CD163L1: variants seen among roughly 807,000 people sequenced by gnomAD.
CD163L1 encodes scavenger receptor cysteine-rich type 1 protein M160.
A neutral mutation model predicts 165.4 loss-of-function variants in CD163L1; 124 were observed. The ratio of observed to expected loss-of-function variants is 0.75; its 90% CI spans 0.65 to 0.87. The LOEUF is 0.87. Among genes scored for constraint, CD163L1 ranks in the 40% least tolerant of loss-of-function variants. The pLI is 0.00. For missense variants in CD163L1, 1,525 were observed against 1,799.9 expected (o/e 0.85, Z 2.76); for synonymous variants, 585 against 662.2 (o/e 0.88, Z 1.79).
chr12:7,330,511 A>C, the CD163L1 span, among the ~76,000 whole-genome samples: 9,271 of 152,192 alleles, frequency 0.061, 378 homozygotes, highest in East Asian at 0.16. Flanking sequence ...CCTCATGGTA[A>C]GTGAGTGTTA....
chr12:7,396,248 T>A lies in CD163L1; in HGVS notation c.1897A>T (p.Met633Leu), dbSNP rs752603434. ...QLDCPSSIIG[M>L]GLGNASTGYG... ...CCTGTAGAAGCGTTTCCCAGACCCA[T>A]GCCAATGATAGAAGATGGGCAGTCC... The change falls in exon 8 of 20, where the codon ATG becomes TTG. Residue 633 changes from methionine (M) to leucine (L), a missense_variant. Transcript: ENST00000313599. 7.4e-6 allele frequency: 12 copies of A among 1,614,158 alleles called. No homozygotes were observed. Among genetic ancestry groups the A allele is most frequent in the Non-Finnish European group, 1.0e-5 (12 of 1,180,040 alleles).
chr12:7,398,157 C>G lies in CD163L1; in HGVS notation c.1729+107G>C. 2.2e-6 allele frequency: 2 copies of G among 910,806 alleles called. No homozygotes were observed. The highest frequency in any genetic ancestry group is 3.3e-6 in the Non-Finnish European group (2 of 598,088). The allele number at this position is 910,806 out of a possible 1,614,324, so 56.4% of individuals were successfully genotyped here. A position where few individuals can be genotyped will look rare whatever the true frequency, so the allele number is the denominator to read the frequency against. The stretch of plus-strand genomic sequence containing the variant: ...TCTAATTTAAAGACAAGAGTCATGG[C>G]CCCTCAATCAATTCCCACATGTAAG... On this transcript the variant is annotated intron_variant, in intron 7 of 19. Coordinates refer to ENST00000313599, the MANE Select transcript of CD163L1 (RefSeq NM_174941.6). This position sits in a 1 kb window ranked among gnomAD's most constrained non-coding sequence, Gnocchi z 4.5.
At chr12:7,421,145 A>ATG (rs386375520) in intron 4 of CD163L1, among the ~76,000 whole-genome samples, 2 of 132,636 alleles carry the variant, frequency 1.5e-5, no homozygotes, top group African/African-American at 2.8e-5. Context: ...ATATGTATAT[A>ATG]TGTGTATAAA....
intron 4 of CD163L1, among the ~76,000 whole-genome samples, chr12:7,421,502 C>CATATATACATAT (rs1159076179): frequency 1.4e-5 from 1 of 72,522 alleles, no homozygotes; most frequent in Non-Finnish European, 2.4e-5. Context: ...CATATATGTA[C>CATATATACATAT]ATATACATAT....
intron 6 of CD163L1, among the ~76,000 whole-genome samples, chr12:7,399,554 T>TCTTTCTTTC (rs1362548810): frequency 6.9e-5 from 9 of 129,848 alleles, no homozygotes; most frequent in Admixed American, 5.8e-4. Flanking sequence ...TTTCTTGCTT[T>TCTTTCTTTC]CTTTCTTTCC....
In CD163L1 at chr12:7,381,955, TA is replaced by T. The variant is rs200608257; in HGVS notation, c.2051-2658del. ...TATTGACTTTTAGGTTTTTCTGAAT[TA>T]AAAAAATATATATTTATATGTAATT... On this transcript the variant is annotated intron_variant, in intron 8 of 19. Transcript: ENST00000313599. 1.8e-3 allele frequency among the ~76,000 whole-genome samples: 256 copies of T among 145,272 alleles called. 1 individual carries two copies. Among genetic ancestry groups the T allele is most frequent in the African/African-American group, 6.5e-3 (249 of 38,104 alleles).
the CD163L1 span, among the ~76,000 whole-genome samples, chr12:7,336,642 A>G: frequency 6.6e-6 from 1 of 152,122 alleles, no homozygotes; most frequent in Non-Finnish European, 1.5e-5. Context: ...CAGGTACCCT[A>G]AAACTTAAAG....
chr12:7,430,864 A>G (rs1465585243), intron 4 of CD163L1, among the ~76,000 whole-genome samples: 3 of 152,080 alleles, frequency 2.0e-5, no homozygotes, highest in Non-Finnish European at 4.4e-5. Context: ...TACATGAAAG[A>G]ACGCAGCAGA....
intron 8 of CD163L1, among the ~76,000 whole-genome samples, chr12:7,389,742 T>C (rs1002675140): frequency 1.6e-4 from 25 of 151,900 alleles, no homozygotes; most frequent in Non-Finnish European, 2.9e-5. Context: ...TTATTTCACA[T>C]TGCACACCTG....
intron 7 of CD163L1, among the ~76,000 whole-genome samples, chr12:7,397,519 A>G (rs1947804002): frequency 6.6e-6 from 1 of 152,134 alleles, no homozygotes; most frequent in African/African-American, 2.4e-5. Flanking sequence ...AGACCTGATG[A>G]GGTTGGGAAC....
chr12:7,374,736 C>T lies in CD163L1; in HGVS notation c.3115G>A (p.Val1039Met), dbSNP rs771970502. ...CCGGCACAGCGGCTGTCCCCATCCA[C>T]TAGGCGGAGCCGTTTGTCCTCTTAG... is the stretch of plus-strand genomic sequence containing the variant. ...ICLEDKRLRL[V>M]DGDSRCAGRV... Residue 1039 changes from valine (V) to methionine (M), a missense_variant, in exon 13 of 20, where the codon GTG becomes ATG. Val to Met is a conservative substitution (Grantham distance 21, BLOSUM62 1). Transcript: ENST00000313599. This position sits in a 1 kb window ranked among gnomAD's most constrained non-coding sequence, Gnocchi z 5.4. 1 of 1,613,700 alleles carries T rather than the reference C, an allele frequency of 6.2e-7. No individual in the cohort carries two copies. The highest frequency in any genetic ancestry group is 2.2e-5 in the East Asian group (1 of 44,874).
At chr12:7,437,130 AT>A (rs1199272709) in intron 2 of CD163L1, among the ~76,000 whole-genome samples, 7 of 110,122 alleles carry the variant, frequency 6.4e-5, no homozygotes, top group African/African-American at 8.5e-5. Context: ...ATTTTTATTT[AT>A]TTTATTTATT....
rs745659898 is a variant in CD163L1, at chr12:7,403,561, C to A, written c.1382G>T (p.Arg461Ile). The A allele has an allele frequency of 6.2e-7, 1 of 1,613,258 alleles. No individual in the cohort carries two copies. The highest frequency in any genetic ancestry group is 1.3e-5 in the African/African-American group (1 of 74,872). The change falls in exon 6 of 20, where the codon AGA (arginine) becomes ATA (isoleucine). Residue 461 changes from arginine to isoleucine, a missense_variant. Transcript: ENST00000313599. Reference protein sequence around the residue: ...DGKAKRTCFRRSDAGVICSDK... With the variant: ...DGKAKRTCFRISDAGVICSDK... The stretch of plus-strand genomic sequence containing the variant: ...AGAACAAATTACTCCAGCATCTGAT[C>A]TTCGGAAGCATGTTCGCTTTGCTTT...
In CD163L1 at chr12:7,375,908, A is replaced by C. The variant is rs1352121171; in HGVS notation, c.2478T>G (p.Leu826=). The change falls in exon 10 of 20, where the codon CTT becomes CTG. Residue 826 remains leucine (L), a synonymous_variant. Coordinates refer to ENST00000313599, the MANE Select transcript of CD163L1 (RefSeq NM_174941.6). ...WRSVCDSDFS[L]HAANVLCREL... is the part of the protein sequence containing the mutation. ...CTCTGCACAGCACATTGGCAGCATG[A>C]AGAGAGAAATCAGAATCACAGACAG... 1.2e-6 allele frequency: 2 copies of C among 1,614,232 alleles called. No homozygotes were observed. Among genetic ancestry groups the C allele is most frequent in the East Asian group, 4.5e-5 (2 of 44,888 alleles).
chr12:7,380,335 A>ACGTATACAAACATGTATGTGTGTATACG (rs1947362538), intron 8 of CD163L1, among the ~76,000 whole-genome samples: 1 of 112,386 alleles, frequency 8.9e-6, no homozygotes, highest in East Asian at 2.6e-4. Flanking sequence ...GTATGTATAC[A>ACGTATACAAACATGTATGTGTGTATACG]CGTATACATA....
At position 7,357,405 on chromosome 12, in the gene CD163L1, C is replaced by A; in HGVS notation, c.4361G>T (p.Ter1454LeuextTer2). ...GVLPASEATK[*>L] ...CTGGTGAGCCCTGGAAGTCTAAAGT[C>A]ATTTTGTGGCTTCAGAGGCAGGAAG... The change falls in exon 19 of 20, where the codon TGA (stop) becomes TTA (leucine). Residue 1454 changes from the stop codon to leucine, a stop_lost. Transcript: ENST00000313599. 1 of 1,612,386 alleles carries A rather than the reference C, an allele frequency of 6.2e-7. No homozygotes were observed. Among genetic ancestry groups the A allele is most frequent in the South Asian group, 1.1e-5 (1 of 91,002 alleles).
the CD163L1 span, among the ~76,000 whole-genome samples, chr12:7,332,783 G>C: frequency 1.3e-3 from 204 of 152,196 alleles, no homozygotes; most frequent in African/African-American, 4.7e-3. Flanking sequence ...CCTGAAGGAA[G>C]CACTAAACAT....
Position 7,375,974 on chromosome 12 carries a change from G to A in CD163L1, c.2412C>T (p.Cys804=). 6.2e-7 allele frequency: 1 copy of A among 1,614,206 alleles called. No individual in the cohort carries two copies. Residue 804 remains cysteine (C), a synonymous_variant, in exon 10 of 20, where the codon TGC becomes TGT. Transcript: ENST00000313599. The stretch of plus-strand genomic sequence containing the variant: ...CATGTTTCACTTCAACACGTCCAGA[G>A]CAGGGCATATCAGCTCCAACCAGCC... ...QPRLVGADMP[C]SGRVEVKHAD...
the CD163L1 span, among the ~76,000 whole-genome samples, chr12:7,336,984 T>C: frequency 1.3e-5 from 2 of 151,992 alleles, no homozygotes; most frequent in Admixed American, 1.3e-4. Flanking sequence ...CATAGACCAA[T>C]GGAACAGGAG....
Sources: gnomAD v4.1 joint callset for allele counts (sites outside exome capture counted in the v4.1 genomes callset) on GRCh38, gnomAD v4.1.1 for gene constraint, Gnocchi (gnomAD v3.1) non-coding constraint, MANE v1.5 for transcripts, NCBI Gene and HGNC (gene_info 2026-07-23, HGNC 2026-07-21) for gene names.